Variants in EYA1 observed in about 807,000 individuals in gnomAD.
EYA1 encodes protein phosphatase EYA1.
Under a neutral mutation model 82.0 loss-of-function variants are expected in EYA1, and 16 were observed. The observed-to-expected ratio is 0.20, with a 90% CI of 0.13 to 0.30. The LOEUF (loss-of-function observed/expected upper bound fraction) is 0.30, where lower values mean the gene tolerates loss of function less well. Among genes scored for constraint, EYA1 ranks in the 10% least tolerant of loss-of-function variants. EYA1 has a pLI of 1.00. For missense variants in EYA1, 633 were observed against 730.7 expected, an observed-to-expected ratio of 0.87 and a Z score of 1.54; for synonymous variants, 261 against 264.4, an observed-to-expected ratio of 0.99 and a Z score of 0.12.
chr8:71,320,592 A>T (rs1317519632), intron 6 of EYA1, among the ~76,000 whole-genome samples: 2 of 152,298 alleles, frequency 1.3e-5, no homozygotes, highest in Non-Finnish European at 2.9e-5. Flanking sequence ...AGTCTACTTT[A>T]AAAATACCTA....
chr8:71,343,408 A>T (rs926906759), intron 3 of EYA1, among the ~76,000 whole-genome samples: 1 of 152,220 alleles, frequency 6.6e-6, no homozygotes, highest in Non-Finnish European at 1.5e-5. Context: ...TAATTGGATC[A>T]CAAGCGCTCC....
chr8:71,252,891 T>C lies in EYA1; in HGVS notation c.1051-8199A>G, dbSNP rs78661302. On this transcript the variant is annotated intron_variant, in intron 11 of 17. Transcript: ENST00000340726. ...ATTTAACAGTGACAATTTGTGAACA[T>C]AGCTTAGCCCAAATCCAATCAATTA... 8.0e-3 allele frequency among the ~76,000 whole-genome samples: 1,224 copies of C among 152,298 alleles called. 9 individuals are homozygous for C. Among genetic ancestry groups the C allele is most frequent in the Non-Finnish European group, 0.011 (729 of 68,006 alleles).
chr8:71,456,375 A>G (rs1206682827), intron 2 of EYA1, among the ~76,000 whole-genome samples: 1 of 152,198 alleles, frequency 6.6e-6, no homozygotes, highest in East Asian at 1.9e-4. Context: ...CAAGCTACCA[A>G]TGACTTTCTT....
At chr8:71,308,380 C>G (rs1820955901) in intron 7 of EYA1, among the ~76,000 whole-genome samples, 1 of 152,176 alleles carries the variant, frequency 6.6e-6, no homozygotes, top group Admixed American at 6.5e-5. Flanking sequence ...GTCCCAGGGA[C>G]AGTGCATCAC....
Position 71,491,029 on chromosome 8 carries a change from G to GA in EYA1, c.33+44714dup, listed in dbSNP as rs552751370. 7.9e-4 allele frequency among the ~76,000 whole-genome samples: 116 copies of GA among 147,470 alleles called. 1 individual carries two copies. The highest frequency in any genetic ancestry group is 7.5e-3 in the South Asian group (35 of 4,636). On this transcript the variant is annotated intron_variant, in intron 2 of 18. Coordinates refer to the EYA1 transcript ENST00000643681. ...TGAATGAATAAACCAATGATTGGAT[G>GA]AAAAAAAAAACACTGAGCATCAAAA...
At chr8:71,394,308 T>A (rs1829455467) in intron 2 of EYA1, among the ~76,000 whole-genome samples, 1 of 152,354 alleles carries the variant, frequency 6.6e-6, no homozygotes, top group East Asian at 1.9e-4. Context: ...AGATCCCTTT[T>A]GTCAACTTTC....
At chr8:71,512,030 A>G (rs1431212208) in intron 2 of EYA1, among the ~76,000 whole-genome samples, 1 of 5,906 alleles carries the variant, frequency 1.7e-4, no homozygotes, top group African/African-American at 2.7e-3. Context: ...TCATGATCAA[A>G]TGATATGCAT....
chr8:71,413,434 T>C (rs573374692), intron 2 of EYA1, among the ~76,000 whole-genome samples: 1 of 152,350 alleles, frequency 6.6e-6, no homozygotes, highest in African/African-American at 2.4e-5. Flanking sequence ...TAGCCTTTTT[T>C]AAATCAGAAA....
intron 17 of EYA1, among the ~76,000 whole-genome samples, chr8:71,207,184 C>G (rs1807894839): frequency 6.6e-6 from 1 of 152,166 alleles, no homozygotes; most frequent in South Asian, 2.1e-4. Flanking sequence ...GGCTCCTCCT[C>G]CTAAATTATT....
chr8:71,231,145 C>T (rs1269203141), intron 12 of EYA1, among the ~76,000 whole-genome samples: 1 of 152,210 alleles, frequency 6.6e-6, no homozygotes, highest in African/African-American at 2.4e-5. Flanking sequence ...GCAAATCCTA[C>T]CCAGACTACT....
chr8:71,293,759 G>A (rs1045665542), intron 9 of EYA1, among the ~76,000 whole-genome samples: 5 of 150,640 alleles, frequency 3.3e-5, no homozygotes, highest in African/African-American at 1.2e-4. Context: ...AAAAAACTCA[G>A]TAATCTAGGA....
intron 2 of EYA1, among the ~76,000 whole-genome samples, chr8:71,461,136 G>A (rs1393287915): frequency 6.6e-6 from 1 of 152,078 alleles, no homozygotes; most frequent in Non-Finnish European, 1.5e-5. Flanking sequence ...GGATCCTTGA[G>A]GTGTTGCTTT....
chr8:71,198,825 C>CT lies in EYA1; in HGVS notation c.*514dup, dbSNP rs1311189425. The CT allele has an allele frequency of 7.6e-6, 1 of 131,114 alleles. No individual in the cohort carries two copies. Among genetic ancestry groups the CT allele is most frequent in the African/African-American group, 3.3e-5 (1 of 30,302 alleles). The allele number at this position is 131,114 out of a possible 1,614,324, so 8.1% of individuals were successfully genotyped here. A position where few individuals can be genotyped will look rare whatever the true frequency, so the allele number is the denominator to read the frequency against. ...GTGGGTGAATTATACCTCAATAAAG[C>CT]TGTTTTTTTATCTTTTTAAAAAAAG... On this transcript the variant is annotated 3_prime_UTR_variant, in exon 18 of 18. Transcript: ENST00000340726.
chr8:71,219,183 T>A (rs2128859709), intron 12 of EYA1, among the ~76,000 whole-genome samples: 1 of 152,328 alleles, frequency 6.6e-6, no homozygotes, highest in African/African-American at 2.4e-5. Context: ...TAAAACGTTT[T>A]GTTCCCAGGC....
chr8:71,331,949 G>C (rs948212133), intron 4 of EYA1, among the ~76,000 whole-genome samples: 1 of 152,164 alleles, frequency 6.6e-6, no homozygotes. Context: ...CTGGGCTCAA[G>C]TGATCTTCCA....
intron 2 of EYA1, among the ~76,000 whole-genome samples, chr8:71,382,818 C>A (rs1828778530): frequency 6.6e-6 from 1 of 152,044 alleles, no homozygotes; most frequent in African/African-American, 2.4e-5. Context: ...TCACAGAAAT[C>A]ATATCGATTT....
At chr8:71,339,503 G>GT (rs1824880291) in intron 3 of EYA1, among the ~76,000 whole-genome samples, 1 of 151,948 alleles carries the variant, frequency 6.6e-6, no homozygotes, top group Non-Finnish European at 1.5e-5. Flanking sequence ...TTTCCACTGA[G>GT]TTTTTTCCAC....
At chr8:71,228,904 T>A (rs947722304) in intron 12 of EYA1, among the ~76,000 whole-genome samples, 1 of 152,194 alleles carries the variant, frequency 6.6e-6, no homozygotes, top group Admixed American at 6.5e-5. Context: ...GGGCAGCACG[T>A]TCAGATACAT....
At chr8:71,404,170 T>A (rs1381344808) in intron 2 of EYA1, 3 of 152,170 alleles carry the variant, frequency 2.0e-5, no homozygotes, top group African/African-American at 7.2e-5. Flanking sequence ...AAGGAAGTGA[T>A]CTCATCAGAA....
Sources: gnomAD v4.1 joint callset for allele counts (sites outside exome capture counted in the v4.1 genomes callset) on GRCh38, gnomAD v4.1.1 for gene constraint, MANE v1.5 for transcripts, NCBI Gene and HGNC (gene_info 2026-07-23, HGNC 2026-07-21) for gene names.